CCSER1: variants seen among roughly 807,000 people sequenced by gnomAD.
CCSER1 encodes the protein coiled-coil serine rich protein 1.
A neutral mutation model predicts 82.0 loss-of-function variants in CCSER1; 41 were observed. That is an observed-to-expected ratio of 0.50 (90% CI 0.39 to 0.65). The LOEUF is 0.65. Among genes scored for constraint, CCSER1 ranks in the 30% least tolerant of loss-of-function variants. The probability of loss-of-function intolerance (pLI) is 0.00; values close to 1 mark genes in which losing one functional copy is unlikely to be tolerated. For synonymous variants in CCSER1, 414 were observed against 383.9 expected (o/e 1.08, Z -0.92); for missense variants, 1,119 against 1,064.2 (o/e 1.05, Z -0.72).
intron 7 of CCSER1, among the ~76,000 whole-genome samples, chr4:90,801,671 T>A (rs1756832951): frequency 6.6e-6 from 1 of 152,202 alleles, no homozygotes; most frequent in Non-Finnish European, 1.5e-5. Flanking sequence ...CCGTAAAAGA[T>A]AAATTATTAA....
At chr4:91,404,102 A>G (rs1326471220) in intron 10 of CCSER1, among the ~76,000 whole-genome samples, 1 of 152,132 alleles carries the variant, frequency 6.6e-6, no homozygotes, top group Admixed American at 6.6e-5. Flanking sequence ...CAGGGATTCA[A>G]CTTCTTCCTG....
chr4:90,845,418 C>G (rs1763114464), intron 8 of CCSER1, among the ~76,000 whole-genome samples: 1 of 148,894 alleles, frequency 6.7e-6, no homozygotes, highest in East Asian at 2.0e-4. Flanking sequence ...TTTATTGAAA[C>G]CTGGCATATT....
At chr4:91,562,785 G>A (rs1028365347) in intron 10 of CCSER1, among the ~76,000 whole-genome samples, 10 of 151,562 alleles carry the variant, frequency 6.6e-5, no homozygotes, top group African/African-American at 9.7e-5. Flanking sequence ...ATATTGTAAC[G>A]TATTTTATTT....
chr4:91,522,300 A>C (rs914547678), intron 10 of CCSER1, among the ~76,000 whole-genome samples: 2 of 152,144 alleles, frequency 1.3e-5, no homozygotes, highest in Non-Finnish European at 2.9e-5. Flanking sequence ...TATAGTTTGA[A>C]GTCAGGTAGC....
rs75591195 is a variant in CCSER1, at chr4:90,602,439, G to A, written c.1725-25586G>A. 8.2e-4 allele frequency among the ~76,000 whole-genome samples: 125 copies of A among 151,798 alleles called. 1 individual carries two copies. In the East Asian group the frequency reaches 0.017, roughly 20 times the overall value. ...TAGGCAATATATAGTTAGGTCTTTCGGCTTGATCAGATTTGACAAATGAGA... is the reference window on the plus strand; with the variant it reads ...TAGGCAATATATAGTTAGGTCTTTCAGCTTGATCAGATTTGACAAATGAGA... On this transcript the variant is annotated intron_variant, in intron 5 of 10. Transcript: ENST00000509176.
intron 3 of CCSER1, among the ~76,000 whole-genome samples, chr4:90,327,122 T>C (rs1258432127): frequency 6.6e-6 from 1 of 152,168 alleles, no homozygotes; most frequent in Non-Finnish European, 1.5e-5. Context: ...TTTCTTACTT[T>C]CAGGAAAGCA....
intron 10 of CCSER1, among the ~76,000 whole-genome samples, chr4:91,229,291 A>C (rs1051379551): frequency 2.3e-4 from 10 of 43,754 alleles, no homozygotes; most frequent in African/African-American, 7.1e-4. Context: ...AAACCTGCAA[A>C]AAAAAAAAAA....
chr4:91,081,638 T>C (rs559128044), intron 9 of CCSER1, among the ~76,000 whole-genome samples: 4 of 151,790 alleles, frequency 2.6e-5, no homozygotes, highest in East Asian at 1.9e-4. Context: ...TGTTTGCAGA[T>C]GACATGATTG....
intron 3 of CCSER1, among the ~76,000 whole-genome samples, chr4:90,327,961 G>C (rs1023437003): frequency 6.6e-6 from 1 of 152,176 alleles, no homozygotes; most frequent in African/African-American, 2.4e-5. Flanking sequence ...GAAATCTCCT[G>C]TGGTTATTCT....
intron 3 of CCSER1, among the ~76,000 whole-genome samples, chr4:90,387,881 A>G (rs1360184711): frequency 6.6e-6 from 1 of 152,122 alleles, no homozygotes; most frequent in Non-Finnish European, 1.5e-5. Flanking sequence ...AACCAAAAAC[A>G]TAGCTTTCAG....
intron 9 of CCSER1, among the ~76,000 whole-genome samples, chr4:90,963,093 A>G (rs7672960): frequency 0.2 from 30,842 of 152,054 alleles, 3,704 homozygotes; most frequent in Non-Finnish European, 0.26. Context: ...TTAAGGTAGA[A>G]TAGTATTTTA....
chr4:91,023,934 T>A (rs1050084721), intron 9 of CCSER1, among the ~76,000 whole-genome samples: 2 of 152,214 alleles, frequency 1.3e-5, no homozygotes, highest in Non-Finnish European at 2.9e-5. Flanking sequence ...AACTGGGTAA[T>A]TTATAAGAGA....
At chr4:90,579,224 C>A (rs1399608813) in intron 5 of CCSER1, among the ~76,000 whole-genome samples, 1 of 151,974 alleles carries the variant, frequency 6.6e-6, no homozygotes, top group Non-Finnish European at 1.5e-5. Flanking sequence ...TGAAATACTC[C>A]AACTAATATT....
chr4:90,538,257 C>A (rs1775666010), intron 5 of CCSER1, among the ~76,000 whole-genome samples: 1 of 152,038 alleles, frequency 6.6e-6, no homozygotes, highest in Admixed American at 6.6e-5. Flanking sequence ...TGATTTTCCT[C>A]TTTTCACTCA....
At chr4:90,227,481 A>AAGGTG (rs1385904733) in intron 1 of CCSER1, among the ~76,000 whole-genome samples, 1 of 152,250 alleles carries the variant, frequency 6.6e-6, no homozygotes, top group African/African-American at 2.4e-5. Flanking sequence ...CATAGCACAA[A>AAGGTG]AGGTGGATAT....
intron 10 of CCSER1, among the ~76,000 whole-genome samples, chr4:91,455,980 A>G (rs1756146048): frequency 6.6e-6 from 1 of 152,090 alleles, no homozygotes; most frequent in African/African-American, 2.4e-5. Context: ...TCATCTCTGT[A>G]ATTCTGACCT....
At chr4:91,453,918 G>A (rs1044833438) in intron 10 of CCSER1, among the ~76,000 whole-genome samples, 1 of 152,022 alleles carries the variant, frequency 6.6e-6, no homozygotes, top group African/African-American at 2.4e-5. Context: ...AATAATTAAT[G>A]AGCACATTCT....
chr4:91,509,425 G>T (rs561037091), intron 10 of CCSER1, among the ~76,000 whole-genome samples: 4 of 151,728 alleles, frequency 2.6e-5, no homozygotes, highest in South Asian at 4.2e-4. Context: ...ATTTAACTTT[G>T]TTCTGCTTGA....
chr4:91,215,499 A>G (rs1412663665), intron 10 of CCSER1, among the ~76,000 whole-genome samples: 1 of 152,176 alleles, frequency 6.6e-6, no homozygotes, highest in African/African-American at 2.4e-5. Flanking sequence ...TCTGAGTCCC[A>G]TAGCTGAAGA....
Sources: allele counts gnomAD v4.1 joint callset (sites outside exome capture counted in the v4.1 genomes callset), GRCh38; gene constraint gnomAD v4.1.1; transcripts MANE v1.5; gene names NCBI Gene and HGNC (gene_info 2026-07-23, HGNC 2026-07-21).